Variants in CACNA2D2 observed in about 807,000 individuals in gnomAD.
CACNA2D2 encodes calcium voltage-gated channel auxiliary subunit alpha2delta 2, also known as voltage-dependent calcium channel subunit alpha-2/delta-2.
In CACNA2D2, 48 loss-of-function variants were observed where a neutral mutation model predicts 166.4. The observed-to-expected ratio is 0.29, with a 90% CI of 0.23 to 0.37. The LOEUF (loss-of-function observed/expected upper bound fraction) is 0.37, where lower values mean the gene tolerates loss of function less well. Ranked by LOEUF, CACNA2D2 falls within the 10% of genes least tolerant of loss-of-function variation. The probability of loss-of-function intolerance (pLI) is 1.00; values close to 1 mark genes in which losing one functional copy is unlikely to be tolerated. For synonymous variants in CACNA2D2, 561 were observed against 573.7 expected (o/e 0.98, Z 0.32); for missense variants, 1,122 against 1,433.0 (o/e 0.78, Z 3.50).
intron 2 of CACNA2D2, among the ~76,000 whole-genome samples, chr3:50,446,097 G>T (rs986835602): frequency 6.6e-6 from 1 of 152,222 alleles, no homozygotes; most frequent in African/African-American, 2.4e-5. Context: ...CACCATGAGG[G>T]CCCTTAGCCT....
intron 22 of CACNA2D2, among the ~76,000 whole-genome samples, 171 bp downstream of exon 22, chr3:50,374,566 C>T (rs1478887996): frequency 6.6e-6 from 1 of 152,106 alleles, no homozygotes; most frequent in African/African-American, 2.4e-5. Flanking sequence ...GGCAAGCATG[C>T]AGATTTCCAC....
Position 50,376,016 on chromosome 3 carries a change from G to C in CACNA2D2, c.1720C>G (p.Pro574Ala). 6.2e-7 allele frequency: 1 copy of C among 1,613,338 alleles called. No individual in the cohort carries two copies. Among genetic ancestry groups the C allele is most frequent in the Non-Finnish European group, 8.5e-7 (1 of 1,179,978 alleles). The part of the protein sequence containing the change: ...LKPQTTNFRE[P>A]VTLDFLDAEL... Reference sequence around the variant, plus strand: ...GCATCCAGGAAGTCCAGAGTCACAGGCTCCCGGAAGTTGGTGGTCTGTTGG... The same window carrying C: ...GCATCCAGGAAGTCCAGAGTCACAGCCTCCCGGAAGTTGGTGGTCTGTTGG... The change falls in exon 19 of 38, where the codon CCT (proline) becomes GCT (alanine). Residue 574 changes from proline (P) to alanine (A), a missense_variant. Pro to Ala is a conservative substitution (Grantham distance 27). Around this residue, in one of 2 missense-constraint regions of CACNA2D2, gnomAD observed 840 missense variants for 1,166.8 expected, o/e 0.72. Coordinates refer to ENST00000424201, the MANE Select transcript of CACNA2D2 (RefSeq NM_006030.4). This position sits in a 1 kb window ranked among gnomAD's most constrained non-coding sequence, Gnocchi z 4.3.
At chr3:50,489,075 G>A (rs897907032) in intron 1 of CACNA2D2, among the ~76,000 whole-genome samples, 1 of 152,182 alleles carries the variant, frequency 6.6e-6, no homozygotes, top group Non-Finnish European at 1.5e-5. Flanking sequence ...GGCAGAAGGT[G>A]CTCAAAAAAT....
In CACNA2D2 at chr3:50,374,780, G is replaced by C. The variant is rs760580243; in HGVS notation, c.1941C>G (p.Phe647Leu). ...LGLVLPPYST[F>L]YLQANLSDQI... ...GGTCACTGAGATTGGCTTGGAGGTA[G>C]AAGGTGCTGTAGGGTGGGAGCACCA... Residue 647 changes from phenylalanine to leucine, a missense_variant, in exon 22 of 38, where the codon TTC (phenylalanine) becomes TTG (leucine). Phe to Leu is a conservative substitution (Grantham distance 22, BLOSUM62 0). Transcript: ENST00000424201. The C allele has an allele frequency of 2.8e-5, 44 of 1,598,082 alleles. No homozygotes were observed. Among genetic ancestry groups the C allele is most frequent in the Non-Finnish European group, 3.6e-5 (42 of 1,173,278 alleles).
chr3:50,390,975 CCTGGCCT>C (rs1705860072), intron 4 of CACNA2D2, among the ~76,000 whole-genome samples: 1 of 152,254 alleles, frequency 6.6e-6, no homozygotes, highest in Non-Finnish European at 1.5e-5. Flanking sequence ...GCCTTCCTGC[CCTGGCCT>C]AGTGCCAGCT....
chr3:50,475,087 C>T (rs1210340795), intron 2 of CACNA2D2, among the ~76,000 whole-genome samples: 1 of 152,178 alleles, frequency 6.6e-6, no homozygotes, highest in Admixed American at 6.5e-5. Context: ...TACATTCACA[C>T]CCAATGTCAA....
chr3:50,402,079 A>G (rs986179236), intron 3 of CACNA2D2, among the ~76,000 whole-genome samples: 6 of 152,330 alleles, frequency 3.9e-5, no homozygotes, highest in Middle Eastern at 6.8e-3. Flanking sequence ...CAAGGAAGTA[A>G]AGGAAGTGGC....
chr3:50,451,464 A>T (rs1709101539), intron 2 of CACNA2D2, among the ~76,000 whole-genome samples: 1 of 151,690 alleles, frequency 6.6e-6, no homozygotes, highest in Non-Finnish European at 1.5e-5. Context: ...GCTGCCTGAC[A>T]CTTTGTTGAA....
intron 3 of CACNA2D2, among the ~76,000 whole-genome samples, chr3:50,431,575 C>G (rs1463742640): frequency 6.6e-6 from 1 of 152,194 alleles, no homozygotes; most frequent in Admixed American, 6.5e-5. Context: ...CTCTGTGAAG[C>G]CAAGGTAGCC....
chr3:50,402,288 C>T (rs1199354259), intron 3 of CACNA2D2, among the ~76,000 whole-genome samples: 1 of 152,126 alleles, frequency 6.6e-6, no homozygotes, highest in East Asian at 1.9e-4. Context: ...ATTTACAGAC[C>T]AGTTTTCTGG....
intron 22 of CACNA2D2, among the ~76,000 whole-genome samples, chr3:50,370,823 C>T (rs761281016): frequency 6.6e-6 from 1 of 152,158 alleles, no homozygotes; most frequent in African/African-American, 2.4e-5. Context: ...CTTCCTTTGC[C>T]TCCAAAGAGA....
chr3:50,495,580 G>A (rs1329288826), intron 1 of CACNA2D2, among the ~76,000 whole-genome samples: 1 of 152,210 alleles, frequency 6.6e-6, no homozygotes, highest in Non-Finnish European at 1.5e-5. Context: ...AACATGTGGA[G>A]GAATCATCCC....
intron 1 of CACNA2D2, among the ~76,000 whole-genome samples, chr3:50,498,402 AC>A (rs1698812194): frequency 6.6e-6 from 1 of 151,932 alleles, no homozygotes; most frequent in African/African-American, 2.4e-5. Context: ...TCCATGAACA[AC>A]CCCCAGCCCC....
chr3:50,455,135 G>T (rs1158024006), intron 2 of CACNA2D2, among the ~76,000 whole-genome samples: 1 of 152,164 alleles, frequency 6.6e-6, no homozygotes, highest in Admixed American at 6.5e-5. Flanking sequence ...CAAAGTCCCT[G>T]GCCACATGCC....
intron 3 of CACNA2D2, among the ~76,000 whole-genome samples, chr3:50,401,181 A>C (rs558922253): frequency 6.6e-6 from 1 of 152,256 alleles, no homozygotes; most frequent in Non-Finnish European, 1.5e-5. Flanking sequence ...CGCTGTTGGC[A>C]GCAACAGGCT....
chr3:50,363,381 C>T lies in CACNA2D2; in HGVS notation c.*1285G>A. 1 of 397,940 alleles carries T rather than the reference C, an allele frequency of 2.5e-6. No homozygotes were observed. Among genetic ancestry groups the T allele is most frequent in the Non-Finnish European group, 4.4e-6 (1 of 225,978 alleles). The allele number at this position is 397,940 out of a possible 1,614,324, so 24.7% of individuals were successfully genotyped here. ...CCCCATCACTATATCCCCTTGCCCT[C>T]AGTTCCCCACTGGCCCCCAGGCTGG... On this transcript the variant is annotated 3_prime_UTR_variant, in exon 38 of 38. Coordinates refer to ENST00000424201, the MANE Select transcript of CACNA2D2 (RefSeq NM_006030.4).
intron 4 of CACNA2D2, among the ~76,000 whole-genome samples, chr3:50,391,719 C>T (rs982153862): frequency 6.6e-6 from 1 of 152,204 alleles, no homozygotes; most frequent in Non-Finnish European, 1.5e-5. Flanking sequence ...CCATTGATAC[C>T]ATTGTCTGTT....
chr3:50,423,865 A>G (rs1417663235), intron 3 of CACNA2D2, among the ~76,000 whole-genome samples: 1 of 152,232 alleles, frequency 6.6e-6, no homozygotes, highest in Non-Finnish European at 1.5e-5. Flanking sequence ...GCCCTTGACA[A>G]GGCCCCCAAA....
At chr3:50,502,230 A>G (rs1219914446) in intron 1 of CACNA2D2, among the ~76,000 whole-genome samples, 1 of 152,178 alleles carries the variant, frequency 6.6e-6, no homozygotes, top group African/African-American at 2.4e-5. Flanking sequence ...CCAGGCCAGG[A>G]CACTGGTGAA....
Sources: allele counts gnomAD v4.1 joint callset (sites outside exome capture counted in the v4.1 genomes callset), GRCh38; gene constraint gnomAD v4.1.1; regional missense constraint gnomAD v4.1.1; non-coding constraint Gnocchi (gnomAD v3.1); transcripts MANE v1.5; gene names NCBI Gene and HGNC (gene_info 2026-07-23, HGNC 2026-07-21).